The following THNSL1 variants were observed in gnomAD, a reference collection of about 807,000 sequenced individuals.
The protein encoded by THNSL1 is threonine synthase like 1, also known as threonine synthase-like 1.
In THNSL1, 48 loss-of-function variants were observed where a neutral mutation model predicts 50.4. That is an observed-to-expected ratio of 0.95 (90% confidence interval 0.76 to 1.21). The LOEUF (loss-of-function observed/expected upper bound fraction) is 1.21. Among genes scored for constraint, THNSL1 ranks in the 50% most tolerant of loss-of-function variants. The pLI, the probability that THNSL1 is intolerant of heterozygous loss-of-function variation, is 0.00. For synonymous variants in THNSL1, 309 were observed against 306.1 expected (o/e 1.01, Z -0.10); for missense variants, 896 against 871.7 (o/e 1.03, Z -0.35).
chr10:24,979,598 G>T, the THNSL1 span, among the ~76,000 whole-genome samples: 1 of 152,144 alleles, frequency 6.6e-6, no homozygotes, highest in East Asian at 1.9e-4. Flanking sequence ...ACCTCTAAAT[G>T]GCAGTTGCTG....
chr10:24,953,348 C>A, the THNSL1 span: 1 of 152,334 alleles, frequency 6.6e-6, no homozygotes, highest in Admixed American at 6.5e-5. Context: ...CAGATCTGGG[C>A]TTTGAGGATC....
At chr10:25,005,136 G>A in the THNSL1 span, among the ~76,000 whole-genome samples, 1 of 152,076 alleles carries the variant, frequency 6.6e-6, no homozygotes, top group African/African-American at 2.4e-5. Context: ...TCTTGTACCA[G>A]TACCATGCTG....
chr10:24,965,293 A>G, the THNSL1 span, among the ~76,000 whole-genome samples: 2 of 152,136 alleles, frequency 1.3e-5, no homozygotes, highest in Non-Finnish European at 2.9e-5. Context: ...TCTTAGTATC[A>G]CTATCACCGC....
At chr10:25,018,634 T>C in intron 1 of THNSL1, among the ~76,000 whole-genome samples, 1 of 150,872 alleles carries the variant, frequency 6.6e-6, no homozygotes, top group East Asian at 1.9e-4. Flanking sequence ...GGTATGCCTG[T>C]GATGTACATA....
Position 25,024,606 on chromosome 10 carries a change from T to C in THNSL1, c.1383T>C (p.Tyr461=), listed in dbSNP as rs773225245. Residue 461 remains tyrosine, a synonymous_variant, in exon 3 of 3, where the codon TAT becomes TAC. Transcript: ENST00000376356. ...SDFTGFLTVE[Y]GTILSSANSI... Reference sequence around the variant, plus strand: ...TTACTGGCTTTCTTACTGTGGAATATGGAACAATCTTAAGTTCGGCTAACT... The same window carrying C: ...TTACTGGCTTTCTTACTGTGGAATACGGAACAATCTTAAGTTCGGCTAACT... 3.7e-6 allele frequency: 6 copies of C among 1,614,248 alleles called. No homozygotes were observed. The Admixed American group carries it at 6.7e-5, about 18-fold the overall frequency.
the THNSL1 span, among the ~76,000 whole-genome samples, chr10:24,991,654 T>A: frequency 2.6e-5 from 4 of 152,156 alleles, no homozygotes; most frequent in Non-Finnish European, 5.9e-5. Flanking sequence ...GGCTCTCCCA[T>A]CTGCTGAAGC....
At chr10:24,980,777 C>T in the THNSL1 span, among the ~76,000 whole-genome samples, 6 of 152,062 alleles carry the variant, frequency 3.9e-5, no homozygotes, top group Admixed American at 6.6e-5. Flanking sequence ...AGTGCAGTGG[C>T]GCCATCTTGG....
the THNSL1 span, among the ~76,000 whole-genome samples, chr10:24,977,631 A>G: frequency 6.6e-6 from 1 of 152,224 alleles, no homozygotes. Context: ...TGTATTAATA[A>G]AAAAATGAGC....
rs759330650 is a variant in THNSL1, at chr10:25,025,279, G to A, written c.2056G>A (p.Glu686Lys). 2 of 1,614,166 alleles carry A rather than the reference G, an allele frequency of 1.2e-6. No homozygotes were observed. The highest frequency in any genetic ancestry group is 1.7e-6 in the Non-Finnish European group (2 of 1,180,032). The change falls in exon 3 of 3, where the codon GAG (glutamate) becomes AAG (lysine). Residue 686 changes from glutamate to lysine, a missense_variant. Physicochemically the swap from Glu to Lys is moderately conservative, Grantham distance 56. Transcript: ENST00000376356. ...MQALKIKEIN[E>K]TSSSQLYLLG... is the part of the protein sequence containing the mutation. ...GGCTTTAAAGATTAAAGAAATCAAT[G>A]AGACTTCATCAAGTCAGCTCTATTT...
At chr10:24,995,621 T>A in the THNSL1 span, 1 of 1,571,808 alleles carries the variant, frequency 6.4e-7, no homozygotes, top group Non-Finnish European at 8.7e-7. Context: ...ATTTCAGCCC[T>A]CTTATTAATA....
chr10:24,988,662 A>ATGTG, the THNSL1 span, among the ~76,000 whole-genome samples: 1 of 106,692 alleles, frequency 9.4e-6, no homozygotes, highest in African/African-American at 3.3e-5. Flanking sequence ...GACACAGCAT[A>ATGTG]TGTATATATA....
At chr10:24,975,838 C>A in the THNSL1 span, among the ~76,000 whole-genome samples, 6 of 152,174 alleles carry the variant, frequency 3.9e-5, no homozygotes, top group African/African-American at 1.4e-4. Flanking sequence ...TTAGGTAATA[C>A]AATAGCTACA....
At chr10:25,016,001 G>A (rs1258523703), upstream of THNSL1, 10 of 1,555,886 alleles carry the variant, frequency 6.4e-6, no homozygotes, top group Admixed American at 1.9e-5. Flanking sequence ...CAGTATCTCC[G>A]TCCCTTTCTT....
chr10:25,010,527 C>T, the THNSL1 span, among the ~76,000 whole-genome samples: 2 of 151,472 alleles, frequency 1.3e-5, no homozygotes, highest in East Asian at 2.0e-4. Context: ...ATGTGCCATG[C>T]TGGTGTGCTG....
the THNSL1 span, among the ~76,000 whole-genome samples, chr10:25,007,736 G>A: frequency 6.6e-6 from 1 of 151,908 alleles, no homozygotes; most frequent in Non-Finnish European, 1.5e-5. Flanking sequence ...GCCCAGCCAC[G>A]TATAGATTTC....
the THNSL1 span, among the ~76,000 whole-genome samples, chr10:24,954,874 C>T: frequency 6.6e-6 from 1 of 152,174 alleles, no homozygotes; most frequent in Non-Finnish European, 1.5e-5. Flanking sequence ...AATAACAGCT[C>T]ATCTGTCCAA....
At chr10:24,997,385 T>G in the THNSL1 span, among the ~76,000 whole-genome samples, 2 of 151,828 alleles carry the variant, frequency 1.3e-5, no homozygotes, top group Non-Finnish European at 2.9e-5. Context: ...TCCTTTTTTT[T>G]TTTTTTTTCC....
chr10:24,959,246 G>A, the THNSL1 span, among the ~76,000 whole-genome samples: 35 of 152,234 alleles, frequency 2.3e-4, no homozygotes, highest in African/African-American at 8.2e-4. Flanking sequence ...CAGCTAGAAT[G>A]GGAATGGAGC....
the THNSL1 span, among the ~76,000 whole-genome samples, chr10:24,959,821 A>G: frequency 6.6e-6 from 1 of 152,218 alleles, no homozygotes; most frequent in East Asian, 1.9e-4. Context: ...AAGATACACT[A>G]AAAGGACTAA....
Sources: gnomAD v4.1 joint callset for allele counts (sites outside exome capture counted in the v4.1 genomes callset) on GRCh38, gnomAD v4.1.1 for gene constraint, MANE v1.5 for transcripts, NCBI Gene and HGNC (gene_info 2026-07-23, HGNC 2026-07-21) for gene names.